The following SLCO1B3 variants were observed in gnomAD, a reference collection of about 807,000 sequenced individuals.
SLCO1B3 encodes solute carrier organic anion transporter family member 1B3, also known as liver-specific organic anion transporter 2.
Under a neutral mutation model 71.8 loss-of-function variants are expected in SLCO1B3, and 72 were observed. That is an observed-to-expected ratio of 1.00 (90% confidence interval 0.83 to 1.22). The LOEUF (loss-of-function observed/expected upper bound fraction) is 1.22, where lower values mean the gene tolerates loss of function less well. SLCO1B3 is among the 50% of genes most tolerant of loss of function. The probability of loss-of-function intolerance (pLI) is 0.00; values close to 1 mark genes in which losing one functional copy is unlikely to be tolerated. For synonymous variants in SLCO1B3, 298 were observed against 278.4 expected (o/e 1.07, Z -0.70); for missense variants, 911 against 819.7 (o/e 1.11, Z -1.36).
intron 3 of SLCO1B3, among the ~76,000 whole-genome samples, chr12:20,826,545 A>G (rs1370802452): frequency 2.0e-5 from 3 of 150,636 alleles, no homozygotes; most frequent in Non-Finnish European, 4.4e-5. Flanking sequence ...ATTATAGCAA[A>G]CTTGATCACT....
intron 3 of SLCO1B3, among the ~76,000 whole-genome samples, chr12:20,818,910 A>G (rs1864240296): frequency 6.6e-6 from 1 of 152,264 alleles, no homozygotes; most frequent in Non-Finnish European, 1.5e-5. Context: ...AGTCCGGGCC[A>G]GGAACAATGG....
At chr12:20,845,621 T>C (rs1184278984) in intron 3 of SLCO1B3, among the ~76,000 whole-genome samples, 2 of 64,478 alleles carry the variant, frequency 3.1e-5, no homozygotes, top group African/African-American at 6.3e-5. Flanking sequence ...AAAAAAAAAA[T>C]TGAGATTTGT....
intron 3 of SLCO1B3, among the ~76,000 whole-genome samples, chr12:20,843,736 G>T (rs1252565515): frequency 6.6e-6 from 1 of 151,508 alleles, no homozygotes; most frequent in African/African-American, 2.4e-5. Flanking sequence ...AGCTGAGATT[G>T]TGTCACTGCA....
intron 15 of SLCO1B3, among the ~76,000 whole-genome samples, chr12:20,903,359 G>A (rs1051716317): frequency 6.6e-5 from 10 of 152,154 alleles, no homozygotes; most frequent in African/African-American, 2.4e-4. Context: ...AGTAAACTAT[G>A]TTACATTCAT....
intron 4 of SLCO1B3, among the ~76,000 whole-genome samples, chr12:20,856,610 C>G (rs11045567): frequency 0.72 from 110,195 of 152,080 alleles, 42,513 homozygotes; most frequent in South Asian, 0.9. Flanking sequence ...CGCCCATGCT[C>G]GTGCAGTGCC....
At chr12:20,912,495 A>ATTT (rs34721125) in intron 15 of SLCO1B3, among the ~76,000 whole-genome samples, 4 of 118,898 alleles carry the variant, frequency 3.4e-5, no homozygotes, top group East Asian at 4.9e-4. Flanking sequence ...CACCTGGCTA[A>ATTT]TTTTTTTTTT....
intron 3 of SLCO1B3, among the ~76,000 whole-genome samples, chr12:20,846,195 A>C (rs1317753517): frequency 1.3e-5 from 2 of 152,140 alleles, no homozygotes; most frequent in Non-Finnish European, 2.9e-5. Flanking sequence ...TATCAAAGAG[A>C]ATAGTTAGAA....
At chr12:20,867,738 A>G (rs1410212425) in intron 8 of SLCO1B3, among the ~76,000 whole-genome samples, 1 of 152,226 alleles carries the variant, frequency 6.6e-6, no homozygotes, top group Non-Finnish European at 1.5e-5. Context: ...GGTATCATAT[A>G]GAAACATTTT....
intron 13 of SLCO1B3, among the ~76,000 whole-genome samples, chr12:20,897,399 G>C (rs1026706708): frequency 6.6e-6 from 1 of 152,168 alleles, no homozygotes; most frequent in Admixed American, 6.5e-5. Flanking sequence ...CTGAGGTTTA[G>C]AGTGCTAGCT....
chr12:20,850,870 G>A (rs890640074), intron 3 of SLCO1B3, among the ~76,000 whole-genome samples: 5 of 152,262 alleles, frequency 3.3e-5, no homozygotes, highest in African/African-American at 1.2e-4. Context: ...AGTTCTTTGA[G>A]AAATTGCCAA....
intron 13 of SLCO1B3, among the ~76,000 whole-genome samples, chr12:20,893,628 A>C (rs1865946441): frequency 6.6e-6 from 1 of 152,214 alleles, no homozygotes; most frequent in South Asian, 2.1e-4. Context: ...GGCTTTGTTT[A>C]GAACAAGAAA....
chr12:20,820,431 A>C (rs1029730949), intron 3 of SLCO1B3, among the ~76,000 whole-genome samples: 1 of 152,126 alleles, frequency 6.6e-6, no homozygotes. Context: ...TGCGGGCATT[A>C]CTTGGCCTGG....
intron 3 of SLCO1B3, among the ~76,000 whole-genome samples, chr12:20,841,624 T>C (rs971031854): frequency 5.9e-5 from 9 of 152,294 alleles, no homozygotes; most frequent in East Asian, 3.9e-4. Flanking sequence ...GTTTGTTACA[T>C]AGGTAAATTG....
intron 8 of SLCO1B3, among the ~76,000 whole-genome samples, chr12:20,872,003 T>A (rs970070519): frequency 1.3e-5 from 2 of 152,138 alleles, no homozygotes; most frequent in Admixed American, 6.5e-5. Context: ...GGCCTACAGA[T>A]GCTGTCTGAG....
intron 13 of SLCO1B3, among the ~76,000 whole-genome samples, chr12:20,893,697 T>G (rs957096702): frequency 6.6e-6 from 1 of 152,132 alleles, no homozygotes; most frequent in African/African-American, 2.4e-5. Flanking sequence ...AATATGAGTT[T>G]CCCTGGGAAA....
intron 4 of SLCO1B3, among the ~76,000 whole-genome samples, chr12:20,856,656 T>C (rs1865144461): frequency 6.6e-6 from 1 of 152,136 alleles, no homozygotes. Flanking sequence ...ACCTCCTGGG[T>C]TTAAGCAATT....
chr12:20,859,490 T>TC (rs374409765), intron 5 of SLCO1B3, among the ~76,000 whole-genome samples: 1 of 140,456 alleles, frequency 7.1e-6, no homozygotes, highest in Admixed American at 7.4e-5. Flanking sequence ...TCTGTTTTTT[T>TC]CCCCCTCTAC....
chr12:20,822,075 C>T (rs553832857), intron 3 of SLCO1B3, among the ~76,000 whole-genome samples: 8 of 152,266 alleles, frequency 5.3e-5, no homozygotes, highest in East Asian at 3.9e-4. Flanking sequence ...TTGGGCTGGT[C>T]GGTCTGAGGA....
chr12:20,819,295 T>G (rs1864249430), intron 3 of SLCO1B3, among the ~76,000 whole-genome samples: 1 of 152,122 alleles, frequency 6.6e-6, no homozygotes, highest in Admixed American at 6.5e-5. Context: ...GCATGTGTGT[T>G]TTTACGAGAA....
Sources: gnomAD v4.1 joint callset for allele counts (sites outside exome capture counted in the v4.1 genomes callset) on GRCh38, gnomAD v4.1.1 for gene constraint, MANE v1.5 for transcripts, NCBI Gene and HGNC (gene_info 2026-07-23, HGNC 2026-07-21) for gene names.